Variants in MKNK1 observed in about 807,000 individuals in gnomAD.
The protein encoded by MKNK1 is MAP kinase-interacting serine/threonine-protein kinase 1.
Under a neutral mutation model 49.3 loss-of-function variants are expected in MKNK1, and 30 were observed. That is an observed-to-expected ratio of 0.61 (90% CI 0.46 to 0.83). MKNK1 has a LOEUF of 0.83. MKNK1 is among the 40% of genes least tolerant of loss of function. The pLI is 0.00. For missense variants in MKNK1, 423 were observed against 524.7 expected (o/e 0.81, Z 1.89); for synonymous variants, 176 against 201.7 (o/e 0.87, Z 1.08).
chr1:46,565,378 T>C (rs1668883449), intron 8 of MKNK1: 1 of 528,604 alleles, frequency 1.9e-6, no homozygotes, highest in South Asian at 2.1e-5. Context: ...TGGTGTCAGA[T>C]TATTGTGAAC....
chr1:46,592,761 TGAAG>T (rs1367825229), intron 2 of MKNK1, among the ~76,000 whole-genome samples: 1 of 152,110 alleles, frequency 6.6e-6, no homozygotes, highest in Non-Finnish European at 1.5e-5. Context: ...CAGCCCTCCT[TGAAG>T]GAAGGGACAG....
In MKNK1 at chr1:46,589,470, A is replaced by T. The variant is rs1173720014; in HGVS notation, c.-3+4643T>A. On this transcript the variant is annotated intron_variant, in intron 2 of 12. Transcript: ENST00000371945. The surrounding 1 kb of genome is among the most constrained non-coding windows in gnomAD (Gnocchi z 4.3). ...GGAGGGATGACATTAGCTCACAAGC[A>T]GTCTCATCGTCATCGATGATAATAA... Among the ~76,000 whole-genome samples the T allele has an allele frequency of 1.3e-5, 2 of 152,258 alleles. No homozygotes were observed. The highest frequency in any genetic ancestry group is 4.8e-5 in the African/African-American group (2 of 41,472).
chr1:46,597,564 C>A (rs1223992582), intron 1 of MKNK1, among the ~76,000 whole-genome samples: 1 of 152,202 alleles, frequency 6.6e-6, no homozygotes, highest in East Asian at 1.9e-4. Context: ...GGAGTCTTAA[C>A]CTGCAGTCTC....
At chr1:46,596,959 T>C (rs968003325) in intron 1 of MKNK1, among the ~76,000 whole-genome samples, 13 of 152,232 alleles carry the variant, frequency 8.5e-5, no homozygotes, top group African/African-American at 2.7e-4. Flanking sequence ...TAATTCCTTC[T>C]GGCACCATTT....
chr1:46,572,219 T>TAA (rs752986291), intron 6 of MKNK1, 52 bp from the exon 7 acceptor site: 1 of 1,506,142 alleles, frequency 6.6e-7, no homozygotes, highest in Non-Finnish European at 9.2e-7. Context: ...CTAGTAAGTA[T>TAA]AAGTTTTTTT....
rs751530503 is a variant in MKNK1 at position 46,558,832 on chromosome 1, G to A, written c.1014-32C>T. 2.5e-6 allele frequency: 4 copies of A among 1,592,206 alleles called. No individual in the cohort carries two copies. The South Asian group carries it at 3.4e-5, about 13-fold the overall frequency. ...GGCCAGGGGAAAGCACAGAAAAGAG[G>A]GTCAGGACTCTAGGGTCAGCCAGGC... On this transcript the variant is annotated intron_variant, in intron 12 of 12. Transcript: ENST00000371945.
intron 1 of MKNK1, among the ~76,000 whole-genome samples, chr1:46,603,175 C>CTA (rs1211173524): frequency 6.6e-6 from 1 of 152,204 alleles, no homozygotes; most frequent in Non-Finnish European, 1.5e-5. Context: ...CCAGCCCAGC[C>CTA]CTCTAATGAA....
Position 46,594,107 on chromosome 1 carries a change from T to C in MKNK1, c.-3+6A>G, listed in dbSNP as rs118152018. 2 of 1,597,298 alleles carry C rather than the reference T, an allele frequency of 1.3e-6. No individual in the cohort carries two copies. Among genetic ancestry groups the C allele is most frequent in the Non-Finnish European group, 1.7e-6 (2 of 1,165,050 alleles). On this transcript the variant is annotated splice_donor_region_variant and intron_variant, in intron 2 of 12. Coordinates refer to ENST00000371945, the MANE Select transcript of MKNK1 (RefSeq NM_001135553.4). ...AAGGATAACTAAAATGTACACCCAATCTTACCTATAGGTTTTTCCAACTTT... is the reference window on the plus strand; with the variant it reads ...AAGGATAACTAAAATGTACACCCAACCTTACCTATAGGTTTTTCCAACTTT...
At position 46,589,110 on chromosome 1, in the gene MKNK1, G is replaced by A. The variant is rs956718008; in HGVS notation, c.-3+5003C>T. Among the ~76,000 whole-genome samples the A allele has an allele frequency of 2.6e-5, 4 of 152,230 alleles. No homozygotes were observed. Among genetic ancestry groups the A allele is most frequent in the Non-Finnish European group, 5.9e-5 (4 of 68,048 alleles). Reference sequence around the variant, plus strand: ...GGCACCTACTGATCGTCTGGTGCTAGACAGTGAGAGTATAAGAGAAGACAC... The same window carrying A: ...GGCACCTACTGATCGTCTGGTGCTAAACAGTGAGAGTATAAGAGAAGACAC... On this transcript the variant is annotated intron_variant, in intron 2 of 12. Transcript: ENST00000371945. This position sits in a 1 kb window ranked among gnomAD's most constrained non-coding sequence, Gnocchi z 4.3.
At chr1:46,561,222 A>AT (rs1667907379) in intron 11 of MKNK1, among the ~76,000 whole-genome samples, 1 of 152,218 alleles carries the variant, frequency 6.6e-6, no homozygotes, top group Non-Finnish European at 1.5e-5. Context: ...GGCTGGGTGC[A>AT]TGTACCAAAT....
Position 46,574,796 on chromosome 1 carries a change from C to T in MKNK1, c.352+151G>A, listed in dbSNP as rs550500787. On this transcript the variant is annotated intron_variant, in intron 6 of 12. Coordinates refer to ENST00000371945, the MANE Select transcript of MKNK1 (RefSeq NM_001135553.4). Reference sequence around the variant, plus strand: ...AAATGCTAATTATCATCCTTCCCTCCGGCCTCCCTTCTCCCAAATCAAGGG... The same window carrying T: ...AAATGCTAATTATCATCCTTCCCTCTGGCCTCCCTTCTCCCAAATCAAGGG... 26 of 584,480 alleles carry T rather than the reference C, an allele frequency of 4.4e-5. 1 individual carries two copies. Among genetic ancestry groups the T allele is most frequent in the South Asian group, 4.2e-4 (18 of 42,594 alleles). 36.2% of individuals were successfully genotyped at this position (584,480 alleles called of 1,614,324 possible). A position where few individuals can be genotyped will look rare whatever the true frequency, so the allele number is the denominator to read the frequency against.
chr1:46,583,016 C>T (rs1671974878), intron 3 of MKNK1: 1 of 675,764 alleles, frequency 1.5e-6, no homozygotes, highest in South Asian at 1.5e-5. Context: ...CACAGGAGGC[C>T]AGTGCATCAT....
At chr1:46,571,999 A>G in intron 7 of MKNK1, 64 bp downstream of exon 7, 1 of 1,474,446 alleles carries the variant, frequency 6.8e-7, no homozygotes, top group Non-Finnish European at 9.5e-7. Flanking sequence ...CTGGCCTACC[A>G]CCTCCCTTGG....
intron 6 of MKNK1, among the ~76,000 whole-genome samples, chr1:46,572,936 G>GA (rs937609016): frequency 6.6e-6 from 1 of 152,130 alleles, no homozygotes; most frequent in Non-Finnish European, 1.5e-5. Context: ...GAAAAGGGGG[G>GA]AAAAATGGGT....
chr1:46,560,203 A>C, intron 12 of MKNK1, 31 bp downstream of exon 12: 1 of 1,612,952 alleles, frequency 6.2e-7, no homozygotes, highest in East Asian at 2.2e-5. Context: ...CTTGAGGAAG[A>C]GCATGGCGTG....
intron 1 of MKNK1, among the ~76,000 whole-genome samples, chr1:46,602,139 C>T (rs908297362): frequency 1.3e-5 from 2 of 152,122 alleles, no homozygotes; most frequent in Admixed American, 6.6e-5. Flanking sequence ...TGGCCGGGCA[C>T]GTTGGCTCAC....
At chr1:46,563,405 T>C (rs1253642236) in intron 9 of MKNK1, 1 of 152,350 alleles carries the variant, frequency 6.6e-6, no homozygotes, top group Non-Finnish European at 1.5e-5. Context: ...AGCACATCAA[T>C]GGCAGCCCTA....
At chr1:46,574,568 T>C in intron 6 of MKNK1, 1 of 174,828 alleles carries the variant, frequency 5.7e-6, no homozygotes, top group Non-Finnish European at 1.2e-5. Flanking sequence ...TCCCAAACAA[T>C]AGGACCCTCC....
At chr1:46,581,086 C>T (rs1193268207) in intron 3 of MKNK1, among the ~76,000 whole-genome samples, 1 of 152,038 alleles carries the variant, frequency 6.6e-6, no homozygotes, top group African/African-American at 2.4e-5. Context: ...TCCCTCTCCT[C>T]TAAGGGTCGC....
Sources: gnomAD v4.1 joint callset for allele counts (sites outside exome capture counted in the v4.1 genomes callset) on GRCh38, gnomAD v4.1.1 for gene constraint, Gnocchi (gnomAD v3.1) non-coding constraint, MANE v1.5 for transcripts, NCBI Gene and HGNC (gene_info 2026-07-23, HGNC 2026-07-21) for gene names.